The following ALKBH3 variants were observed in gnomAD, a reference collection of about 807,000 sequenced individuals.
The protein encoded by ALKBH3 is alpha-ketoglutarate-dependent dioxygenase alkB homolog 3.
Under a neutral mutation model 43.9 loss-of-function variants are expected in ALKBH3, and 51 were observed. The observed-to-expected ratio is 1.16, with a 90% CI of 0.93 to 1.47. The LOEUF (loss-of-function observed/expected upper bound fraction) is 1.47. Ranked by LOEUF, ALKBH3 falls within the 40% of genes most tolerant of loss-of-function variation. The probability of loss-of-function intolerance (pLI) is 0.00; values close to 1 mark genes in which losing one functional copy is unlikely to be tolerated. For synonymous variants in ALKBH3, 102 were observed against 115.2 expected (o/e 0.89, Z 0.73); for missense variants, 361 against 351.9 (o/e 1.03, Z -0.21).
At chr11:43,885,448 TCTA>T (rs1951740456) in intron 4 of ALKBH3, among the ~76,000 whole-genome samples, 1 of 152,172 alleles carries the variant, frequency 6.6e-6, no homozygotes, top group Non-Finnish European at 1.5e-5. Flanking sequence ...CACTCATACA[TCTA>T]CTTAAAAGCC....
intron 8 of ALKBH3, among the ~76,000 whole-genome samples, chr11:43,906,493 C>T (rs2135197135): frequency 6.6e-6 from 1 of 152,296 alleles, no homozygotes; most frequent in East Asian, 1.9e-4. Context: ...GCTGCTATTC[C>T]AGTCATCTAT....
intron 7 of ALKBH3, among the ~76,000 whole-genome samples, chr11:43,895,814 C>G (rs1951814637): frequency 6.6e-6 from 1 of 152,228 alleles, no homozygotes; most frequent in Non-Finnish European, 1.5e-5. Flanking sequence ...TGTTCGTCAT[C>G]ATCATGCGCT....
rs118132551 is a variant in ALKBH3, at chr11:43,895,267, G to A, written c.459+3138G>A. Among the ~76,000 whole-genome samples the A allele has an allele frequency of 5.6e-3, 853 of 152,260 alleles. 20 individuals carry two copies. The highest frequency in any genetic ancestry group is 0.054 in the South Asian group (262 of 4,820). On this transcript the variant is annotated intron_variant, in intron 7 of 9. Coordinates refer to ENST00000302708, the MANE Select transcript of ALKBH3 (RefSeq NM_139178.4). ...CTCACCTTGAATTGTAATAATCCCC[G>A]TGTATCAAGGGCAGGGCCAGGTGGA...
At chr11:43,882,858 C>A in intron 2 of ALKBH3, 127 bp downstream of exon 2, 1 of 1,161,564 alleles carries the variant, frequency 8.6e-7, no homozygotes, top group Non-Finnish European at 1.2e-6. Context: ...TAAAATGTGG[C>A]TGATATTTTG....
intron 4 of ALKBH3, among the ~76,000 whole-genome samples, chr11:43,886,235 C>A (rs547334858): frequency 6.6e-6 from 1 of 152,296 alleles, no homozygotes; most frequent in Non-Finnish European, 1.5e-5. Flanking sequence ...CTGAGATGTG[C>A]TTGCTGCCTG....
Position 43,905,192 on chromosome 11 carries a change from T to TG in ALKBH3, c.669+3468dup, listed in dbSNP as rs201829684. 2.2e-3 allele frequency among the ~76,000 whole-genome samples: 340 copies of TG among 152,346 alleles called. 12 individuals are homozygous for TG. The East Asian group carries it at 0.05, about 22-fold the overall frequency. Reference sequence around the variant, plus strand: ...TTAAAAATTCAAATTCCTCCACCCTTGCAGCAGCTGTTTATTTTGTAGTCT... The same window carrying TG: ...TTAAAAATTCAAATTCCTCCACCCTTGGCAGCAGCTGTTTATTTTGTAGTCT... On this transcript the variant is annotated intron_variant, in intron 8 of 9. Coordinates refer to ENST00000302708, the MANE Select transcript of ALKBH3 (RefSeq NM_139178.4).
intron 7 of ALKBH3, among the ~76,000 whole-genome samples, chr11:43,896,914 G>A (rs1951822936): frequency 6.6e-6 from 1 of 152,090 alleles, no homozygotes; most frequent in South Asian, 2.1e-4. Flanking sequence ...CTGGACCAAT[G>A]GCTTTATTAT....
At chr11:43,910,205 T>G (rs1339386155) in intron 8 of ALKBH3, 1 of 152,262 alleles carries the variant, frequency 6.6e-6, no homozygotes, top group Non-Finnish European at 1.5e-5. Context: ...TTTCTTTGAT[T>G]CTGTTATTGT....
At chr11:43,897,276 G>T (rs778265203) in intron 7 of ALKBH3, 2 of 576,568 alleles carry the variant, frequency 3.5e-6, no homozygotes, top group Non-Finnish European at 6.7e-6. Flanking sequence ...TGGTATGAGC[G>T]CCCGTCGCCA....
intron 5 of ALKBH3, among the ~76,000 whole-genome samples, chr11:43,887,588 T>A (rs1436499422): frequency 1.3e-5 from 2 of 152,196 alleles, no homozygotes; most frequent in Non-Finnish European, 2.9e-5. Flanking sequence ...GTGCTGGGAT[T>A]ACAGGTGTGA....
At chr11:43,890,012 T>C (rs902443600) in intron 6 of ALKBH3, among the ~76,000 whole-genome samples, 184 bp downstream of exon 6, 4 of 152,046 alleles carry the variant, frequency 2.6e-5, no homozygotes, top group African/African-American at 7.2e-5. Context: ...AAACAGCAGG[T>C]GGAAGGCCCA....
At chr11:43,889,855 G>A in intron 6 of ALKBH3, 27 bp downstream of exon 6, 1 of 1,558,456 alleles carries the variant, frequency 6.4e-7, no homozygotes, top group Non-Finnish European at 8.8e-7. Context: ...GGTCACAGTT[G>A]GTGCTGCGTG....
chr11:43,890,088 G>T (rs1390984830), intron 6 of ALKBH3, among the ~76,000 whole-genome samples: 1 of 152,160 alleles, frequency 6.6e-6, no homozygotes, highest in South Asian at 2.1e-4. Flanking sequence ...AAATTTGGTT[G>T]GCTGAACTAT....
intron 8 of ALKBH3, among the ~76,000 whole-genome samples, chr11:43,908,405 G>A (rs1951911540): frequency 6.6e-6 from 1 of 152,200 alleles, no homozygotes; most frequent in East Asian, 1.9e-4. Flanking sequence ...CAGATGGCTG[G>A]AGAGGCTTGC....
At chr11:43,892,914 G>A (rs1951793909) in intron 7 of ALKBH3, among the ~76,000 whole-genome samples, 1 of 152,240 alleles carries the variant, frequency 6.6e-6, no homozygotes, top group African/African-American at 2.4e-5. Flanking sequence ...AGGGAACATG[G>A]CCTTTTCACG....
rs1389071854 is a variant in ALKBH3 at position 43,906,114 on chromosome 11, G to A, written c.669+4389G>A. On this transcript the variant is annotated intron_variant, in intron 8 of 9. Coordinates refer to ENST00000302708, the MANE Select transcript of ALKBH3 (RefSeq NM_139178.4). Reference sequence around the variant, plus strand: ...CCTCAGGGTGATTGAGCTACAGCAAGTTGAGCCCTCTAACCACTCCTCTTT... The same window carrying A: ...CCTCAGGGTGATTGAGCTACAGCAAATTGAGCCCTCTAACCACTCCTCTTT... 2.0e-5 allele frequency among the ~76,000 whole-genome samples: 3 copies of A among 152,332 alleles called. No individual in the cohort carries two copies. The East Asian group carries it at 5.8e-4, about 29-fold the overall frequency.
At chr11:43,900,635 C>T (rs1339742020) in intron 7 of ALKBH3, among the ~76,000 whole-genome samples, 1 of 152,072 alleles carries the variant, frequency 6.6e-6, no homozygotes, top group Non-Finnish European at 1.5e-5. Flanking sequence ...CTTTGGGCTC[C>T]TCAATAATTT....
At position 43,901,631 on chromosome 11, in the gene ALKBH3, GTGA is replaced by G. The variant is rs1565126829; in HGVS notation, c.582_584del (p.Asp194del). The G allele has an allele frequency of 3.1e-6, 5 of 1,614,260 alleles. No individual in the cohort carries two copies. Among genetic ancestry groups the G allele is most frequent in the Non-Finnish European group, 4.2e-6 (5 of 1,180,046 alleles). ...GAGAAGGACAGCGTGGACTGGCACA[GTGA>G]TGATGAACCCTCACTAGGGAGGTGC... On this transcript the variant is annotated inframe_deletion, in exon 8 of 10. Transcript: ENST00000302708.
chr11:43,894,207 C>T (rs1472223416), intron 7 of ALKBH3, among the ~76,000 whole-genome samples: 2 of 152,296 alleles, frequency 1.3e-5, no homozygotes, highest in Middle Eastern at 3.4e-3. Flanking sequence ...CAGATCAGAG[C>T]CTTGACTGGC....
Sources: gnomAD v4.1 joint callset for allele counts (sites outside exome capture counted in the v4.1 genomes callset) on GRCh38, gnomAD v4.1.1 for gene constraint, MANE v1.5 for transcripts, NCBI Gene and HGNC (gene_info 2026-07-23, HGNC 2026-07-21) for gene names.